The following TSPAN5 variants were observed in gnomAD, a reference collection of about 807,000 sequenced individuals.
TSPAN5 encodes the protein tetraspanin-5.
TSPAN5 carries 10 observed loss-of-function variants against 37.1 expected under a neutral mutation model. The observed-to-expected ratio is 0.27, with a 90% CI of 0.17 to 0.46. The LOEUF is 0.46. Ranked by LOEUF, TSPAN5 falls within the 20% of genes least tolerant of loss-of-function variation. The pLI is 1.00. For missense variants in TSPAN5, 195 were observed against 326.6 expected (o/e 0.60, Z 3.11); for synonymous variants, 110 against 118.9 (o/e 0.93, Z 0.48).
At chr4:98,483,269 G>C (rs143587134) in intron 3 of TSPAN5, 3 of 152,252 alleles carry the variant, frequency 2.0e-5, no homozygotes, top group Non-Finnish European at 2.9e-5. Flanking sequence ...GAGGCAGGGG[G>C]TGCTCAGGTG....
At chr4:98,542,735 A>G (rs1346733470) in intron 1 of TSPAN5, among the ~76,000 whole-genome samples, 13 of 151,216 alleles carry the variant, frequency 8.6e-5, no homozygotes, top group Non-Finnish European at 1.9e-4. Context: ...AAAAAAAAAA[A>G]AAAAAAGACT....
chr4:98,476,342 A>G, intron 6 of TSPAN5, 37 bp from the exon 7 acceptor site: 1 of 1,612,860 alleles, frequency 6.2e-7, no homozygotes, highest in Non-Finnish European at 8.5e-7. Flanking sequence ...TGTCACAGAT[A>G]GAGCACCAGG....
chr4:98,548,660 C>A (rs28758777), intron 1 of TSPAN5, among the ~76,000 whole-genome samples: 4,610 of 152,112 alleles, frequency 0.03, 112 homozygotes, highest in South Asian at 0.068. Flanking sequence ...ATTTTTCAAC[C>A]CTCACCTCCC....
intron 7 of TSPAN5, among the ~76,000 whole-genome samples, chr4:98,474,306 G>T (rs981815067): frequency 2.0e-5 from 3 of 152,218 alleles, no homozygotes; most frequent in Non-Finnish European, 4.4e-5. Context: ...CCTATTGAAT[G>T]GTTTTGGTTC....
At chr4:98,622,689 G>A (rs1220032440) in intron 1 of TSPAN5, among the ~76,000 whole-genome samples, 17 of 152,196 alleles carry the variant, frequency 1.1e-4, no homozygotes, top group Admixed American at 1.1e-3. Context: ...GACATGTCAG[G>A]TAGGACAGTC....
At position 98,499,721 on chromosome 4, in the gene TSPAN5, C is replaced by G. The variant is rs112263914; in HGVS notation, c.132+7957G>C. Reference sequence around the variant, plus strand: ...TGCTGCCCAGGCTGGAGTGCAGTGGCGTGATCTGGGCTCACTGCAAGCTCC... The same window carrying G: ...TGCTGCCCAGGCTGGAGTGCAGTGGGGTGATCTGGGCTCACTGCAAGCTCC... On this transcript the variant is annotated intron_variant, in intron 2 of 7. Transcript: ENST00000305798. Among the ~76,000 whole-genome samples, 5 of 133,782 alleles carry G rather than the reference C, an allele frequency of 3.7e-5. 1 individual carries two copies. The East Asian group carries it at 1.1e-3, about 30-fold the overall frequency. 87.8% of individuals were successfully genotyped at this position (133,782 alleles called of 152,430 possible).
At chr4:98,567,363 T>C (rs532532375) in intron 1 of TSPAN5, among the ~76,000 whole-genome samples, 2 of 152,366 alleles carry the variant, frequency 1.3e-5, no homozygotes, top group African/African-American at 2.4e-5. Flanking sequence ...TGTGGAACTC[T>C]TAATTAAAAT....
chr4:98,484,415 A>G (rs1181001974), intron 3 of TSPAN5: 1 of 455,924 alleles, frequency 2.2e-6, no homozygotes, highest in South Asian at 1.6e-5. Context: ...TTCGAAGATT[A>G]TTCCAGGCAA....
At chr4:98,643,904 G>C (rs72898298) in intron 1 of TSPAN5, among the ~76,000 whole-genome samples, 2,367 of 152,318 alleles carry the variant, frequency 0.016, 59 homozygotes, top group African/African-American at 0.055. Flanking sequence ...CCTGTGGGCA[G>C]TTGTTGCCCA....
rs369316016 is a variant in TSPAN5, at chr4:98,505,396, T to C, written c.132+2282A>G. ...CTCCCTTCTAGGCCTACTGGCCTTC[T>C]TGTTGTTCCCTGGAGTCACCAAAGT... On this transcript the variant is annotated intron_variant, in intron 2 of 7. Coordinates refer to ENST00000305798, the MANE Select transcript of TSPAN5 (RefSeq NM_005723.4). 4.6e-5 allele frequency among the ~76,000 whole-genome samples: 7 copies of C among 152,160 alleles called. No homozygotes were observed. The East Asian group carries it at 5.8e-4, about 13-fold the overall frequency.
intron 1 of TSPAN5, among the ~76,000 whole-genome samples, chr4:98,624,665 T>A (rs1756554643): frequency 2.0e-5 from 3 of 152,200 alleles, no homozygotes; most frequent in Admixed American, 2.0e-4. Context: ...CTGTCCCTAG[T>A]TCAGAGAATC....
rs17027715 is a variant in TSPAN5, at chr4:98,558,470, G to A, written c.82-50742C>T. On this transcript the variant is annotated intron_variant, in intron 1 of 7. Transcript: ENST00000305798. ...AAAGTTTTTAAAGTTGCAGCGAAGG[G>A]AGGGTAAACGGCTTGTGCACCGCTG... 9.8e-3 allele frequency among the ~76,000 whole-genome samples: 1,485 copies of A among 152,292 alleles called. 26 individuals carry two copies. Among genetic ancestry groups the A allele is most frequent in the African/African-American group, 0.034 (1,401 of 41,556 alleles).
intron 1 of TSPAN5, among the ~76,000 whole-genome samples, chr4:98,543,139 A>G (rs1350773754): frequency 6.6e-6 from 1 of 152,216 alleles, no homozygotes; most frequent in Non-Finnish European, 1.5e-5. Context: ...CATTTAAAAT[A>G]AAATGTGTAA....
intron 1 of TSPAN5, among the ~76,000 whole-genome samples, chr4:98,639,505 C>A (rs1054025035): frequency 7.6e-6 from 1 of 131,276 alleles, no homozygotes. Flanking sequence ...TTTTTTTGTA[C>A]AGACAGGGTC....
chr4:98,495,289 G>T (rs1753175921), intron 2 of TSPAN5, among the ~76,000 whole-genome samples: 2 of 152,196 alleles, frequency 1.3e-5, no homozygotes, highest in African/African-American at 4.8e-5. Flanking sequence ...CAGCACTCTG[G>T]GAGGCCGAGG....
intron 1 of TSPAN5, among the ~76,000 whole-genome samples, chr4:98,525,828 T>C (rs1434178399): frequency 6.6e-6 from 1 of 152,242 alleles, no homozygotes; most frequent in Non-Finnish European, 1.5e-5. Context: ...AGATTTCTTA[T>C]ACATACATGT....
rs114546019 is a variant in TSPAN5, at chr4:98,639,048, G to T, written c.81+19098C>A. Among the ~76,000 whole-genome samples the T allele has an allele frequency of 1.7e-3, 257 of 152,306 alleles. 1 individual carries two copies. The highest frequency in any genetic ancestry group is 6.0e-3 in the African/African-American group (249 of 41,566). ...AGGCTGCTCATTGCAAACACAACAC[G>T]AAGAAATGGCCCAGGTAAAGAACGT... On this transcript the variant is annotated intron_variant, in intron 1 of 7. Coordinates refer to ENST00000305798, the MANE Select transcript of TSPAN5 (RefSeq NM_005723.4).
At chr4:98,628,034 T>A (rs1457319233) in intron 1 of TSPAN5, among the ~76,000 whole-genome samples, 1 of 152,186 alleles carries the variant, frequency 6.6e-6, no homozygotes, top group Non-Finnish European at 1.5e-5. Flanking sequence ...TCAAATTCCA[T>A]TACAACAAAC....
chr4:98,531,512 T>C (rs772621391), intron 1 of TSPAN5, among the ~76,000 whole-genome samples: 3 of 152,234 alleles, frequency 2.0e-5, no homozygotes. Flanking sequence ...CTATTGTGAA[T>C]AGTGCTGCAA....
Sources: allele counts gnomAD v4.1 joint callset (sites outside exome capture counted in the v4.1 genomes callset), GRCh38; gene constraint gnomAD v4.1.1; transcripts MANE v1.5; gene names NCBI Gene and HGNC (gene_info 2026-07-23, HGNC 2026-07-21).